The following PEBP4 variants were observed in gnomAD, a reference collection of about 807,000 sequenced individuals.
PEBP4 encodes the protein phosphatidylethanolamine-binding protein 4.
Under a neutral mutation model 23.9 loss-of-function variants are expected in PEBP4, and 22 were observed. The ratio of observed to expected loss-of-function variants is 0.92; its 90% CI spans 0.66 to 1.31. PEBP4 has a LOEUF of 1.31. PEBP4 is among the 40% of genes most tolerant of loss of function. PEBP4 has a pLI of 0.00. For synonymous variants in PEBP4, 112 were observed against 99.3 expected, an observed-to-expected ratio of 1.13 and a Z score of -0.76; for missense variants, 324 against 281.7, an observed-to-expected ratio of 1.15 and a Z score of -1.07.
At chr8:22,762,170 C>T (rs1434179387) in intron 4 of PEBP4, among the ~76,000 whole-genome samples, 2 of 152,046 alleles carry the variant, frequency 1.3e-5, no homozygotes, top group Non-Finnish European at 2.9e-5. Context: ...GAAAAGAAAT[C>T]GCATGTGTTC....
intron 3 of PEBP4, among the ~76,000 whole-genome samples, chr8:22,904,180 TC>T (rs1428100500): frequency 6.6e-6 from 1 of 152,036 alleles, no homozygotes. Flanking sequence ...GCTTCCCGGC[TC>T]CCTGGCTGAT....
chr8:22,855,004 A>ACACG (rs1177412010), intron 3 of PEBP4, among the ~76,000 whole-genome samples: 30 of 19,474 alleles, frequency 1.5e-3, no homozygotes, highest in Non-Finnish European at 4.2e-3. Context: ...ATGCACGCAC[A>ACACG]CACACACACA....
At chr8:22,893,251 G>T (rs765017244) in intron 3 of PEBP4, among the ~76,000 whole-genome samples, 6 of 152,164 alleles carry the variant, frequency 3.9e-5, no homozygotes, top group Non-Finnish European at 5.9e-5. Context: ...CGCTGCTCTT[G>T]TCCTATTTAC....
chr8:22,731,637 TTATTTATCTATC>T (rs147633569), intron 4 of PEBP4, among the ~76,000 whole-genome samples: 4,268 of 130,776 alleles, frequency 0.033, 214 homozygotes, highest in African/African-American at 0.11. Context: ...ATTTATTTAT[TTATTTATCTATC>T]TATCTATTTA....
chr8:22,771,122 C>T (rs904688147), intron 4 of PEBP4, among the ~76,000 whole-genome samples: 3 of 152,356 alleles, frequency 2.0e-5, no homozygotes, highest in Non-Finnish European at 4.4e-5. Flanking sequence ...CAGGACTGAA[C>T]ACCTACCAGG....
At chr8:22,931,495 G>T (rs138015811), upstream of PEBP4, among the ~76,000 whole-genome samples, 449 of 152,002 alleles carry the variant, frequency 3.0e-3, 10 homozygotes, top group East Asian at 0.064. Flanking sequence ...CTCTTTTCCA[G>T]CCTCCCTTCC....
Position 22,927,908 on chromosome 8 carries a change from G to A in PEBP4, c.-92C>T. The A allele has an allele frequency of 1.6e-6, 1 of 611,596 alleles. No homozygotes were observed. Among genetic ancestry groups the A allele is most frequent in the Non-Finnish European group, 2.7e-6 (1 of 365,198 alleles). 37.9% of individuals were successfully genotyped at this position (611,596 alleles called of 1,614,324 possible). A position where few individuals can be genotyped will look rare whatever the true frequency, so the allele number is the denominator to read the frequency against. Reference sequence around the variant, plus strand: ...CACCACCCGGACACAAGTACTTTGGGAGGACTGGGCCTCTTCCAAGTTGGA... The same window carrying A: ...CACCACCCGGACACAAGTACTTTGGAAGGACTGGGCCTCTTCCAAGTTGGA... On this transcript the variant is annotated 5_prime_UTR_variant, in exon 1 of 7. Coordinates refer to ENST00000256404, the MANE Select transcript of PEBP4 (RefSeq NM_144962.3).
chr8:22,847,712 G>T (rs966699901), intron 3 of PEBP4, among the ~76,000 whole-genome samples: 1 of 152,172 alleles, frequency 6.6e-6, no homozygotes, highest in East Asian at 1.9e-4. Context: ...TACAAAGATG[G>T]TTGTCACCCC....
At chr8:22,861,337 T>C (rs1261819434) in intron 3 of PEBP4, among the ~76,000 whole-genome samples, 3 of 152,240 alleles carry the variant, frequency 2.0e-5, no homozygotes, top group African/African-American at 7.2e-5. Flanking sequence ...ACTTCCCAAG[T>C]GCTTTCCATA....
chr8:22,927,500 T>C (rs1553778), intron 2 of PEBP4, 84 bp downstream of exon 2: 1,465,622 of 1,470,812 alleles, frequency 1, 730,398 homozygotes, highest in East Asian at 1. Flanking sequence ...AGATGGTGCT[T>C]CTTGGTTCTG....
At chr8:22,728,202 G>C (rs1419620336) in intron 4 of PEBP4, among the ~76,000 whole-genome samples, 1 of 152,128 alleles carries the variant, frequency 6.6e-6, no homozygotes, top group African/African-American at 2.4e-5. Context: ...TGCTTGAGGT[G>C]GGGGCAGGGG....
chr8:22,832,693 T>C (rs1022978304), intron 3 of PEBP4, among the ~76,000 whole-genome samples: 2 of 152,166 alleles, frequency 1.3e-5, no homozygotes, highest in African/African-American at 2.4e-5. Flanking sequence ...TCAGCAGACA[T>C]TGAGACAGTC....
Position 22,865,480 on chromosome 8 carries a change from C to CCG in PEBP4, c.259-47747_259-47746dup, listed in dbSNP as rs556744703. On this transcript the variant is annotated intron_variant, in intron 3 of 6. Coordinates refer to ENST00000256404, the MANE Select transcript of PEBP4 (RefSeq NM_144962.3). The surrounding 1 kb of genome is among the most constrained non-coding windows in gnomAD (Gnocchi z 6.9). Reference sequence around the variant, plus strand: ...CCCCGCCGCGAGGTGGAGCGCGCCACCGCCCCCCCGGCCGCGCAGCGAGAA... The same window carrying CCG: ...CCCCGCCGCGAGGTGGAGCGCGCCACCGCGCCCCCCCGGCCGCGCAGCGAGAA... Among the ~76,000 whole-genome samples, 1,611 of 152,100 alleles carry CCG rather than the reference C, an allele frequency of 0.011. 20 individuals carry two copies. The highest frequency in any genetic ancestry group is 0.018 in the Non-Finnish European group (1,215 of 67,950).
At chr8:22,898,898 C>T (rs1484665854) in intron 3 of PEBP4, among the ~76,000 whole-genome samples, 1 of 152,196 alleles carries the variant, frequency 6.6e-6, no homozygotes, top group Non-Finnish European at 1.5e-5. Flanking sequence ...CAGAGAGGGA[C>T]GGGCCCCACC....
chr8:22,921,583 A>AG (rs1208707548), intron 2 of PEBP4, among the ~76,000 whole-genome samples: 1 of 152,200 alleles, frequency 6.6e-6, no homozygotes, highest in African/African-American at 2.4e-5. Context: ...CTGAGCCCCC[A>AG]GCACCTGGCA....
At chr8:22,731,964 C>G (rs377387067) in intron 4 of PEBP4, among the ~76,000 whole-genome samples, 15 of 151,912 alleles carry the variant, frequency 9.9e-5, no homozygotes, top group African/African-American at 3.4e-4. Context: ...CGTGAGCCAC[C>G]GCACCCAGCC....
chr8:22,925,686 A>G (rs897461388), intron 2 of PEBP4, among the ~76,000 whole-genome samples: 3 of 152,126 alleles, frequency 2.0e-5, no homozygotes, highest in Non-Finnish European at 4.4e-5. Context: ...GTCACCCCCA[A>G]TGACCCTACA....
chr8:22,800,428 C>G (rs1806358919), intron 4 of PEBP4, among the ~76,000 whole-genome samples: 1 of 152,094 alleles, frequency 6.6e-6, no homozygotes, highest in East Asian at 1.9e-4. Context: ...GCTTTTCTAG[C>G]TCTACGGTCT....
Position 22,834,133 on chromosome 8 carries a change from C to G in PEBP4, c.259-16398G>C, listed in dbSNP as rs1807149970. ...GCACCCAATTGAGAAGCTGAAGTCA[C>G]AAACACAAGTCGCCCTGCGCTCCCA... On this transcript the variant is annotated intron_variant, in intron 3 of 6. Transcript: ENST00000256404. Among the ~76,000 whole-genome samples, 3 of 152,350 alleles carry G rather than the reference C, an allele frequency of 2.0e-5. No homozygotes were observed. The South Asian group carries it at 6.2e-4, about 32-fold the overall frequency.
Sources: gnomAD v4.1 joint callset for allele counts (sites outside exome capture counted in the v4.1 genomes callset) on GRCh38, gnomAD v4.1.1 for gene constraint, Gnocchi (gnomAD v3.1) non-coding constraint, MANE v1.5 for transcripts, NCBI Gene and HGNC (gene_info 2026-07-23, HGNC 2026-07-21) for gene names.